OGDHL: variants seen among roughly 807,000 people sequenced by gnomAD.
OGDHL encodes the protein 2-oxoglutarate dehydrogenase-like, mitochondrial.
Under a neutral mutation model 109.6 loss-of-function variants are expected in OGDHL, and 79 were observed. That is an observed-to-expected ratio of 0.72 (90% CI 0.60 to 0.87). The LOEUF is 0.87. OGDHL is among the 40% of genes least tolerant of loss of function. The probability of loss-of-function intolerance (pLI) is 0.00; values close to 1 mark genes in which losing one functional copy is unlikely to be tolerated. For missense variants in OGDHL, 1,275 were observed against 1,362.2 expected (o/e 0.94, Z 1.01); for synonymous variants, 528 against 537.2 (o/e 0.98, Z 0.24).
chr10:49,752,223 G>T lies in OGDHL; in HGVS notation c.504C>A (p.Asp168Glu), dbSNP rs1266604419. Residue 168 changes from aspartate to glutamate, a missense_variant, in exon 5 of 23, where the codon GAC (aspartate) becomes GAA (glutamate). Physicochemically the swap from Asp to Glu is conservative, Grantham distance 45. Transcript: ENST00000374103. ...TCGGCAGCTGGAACTCCTTATCAAG[G>T]TCAGCCTCCTGAAGGTCATAGAAGG... ...KLAFYDLQEA[D>E]LDKEFQLPTT... 1 of 1,613,878 alleles carries T rather than the reference G, an allele frequency of 6.2e-7. No individual in the cohort carries two copies. The highest frequency in any genetic ancestry group is 8.5e-7 in the Non-Finnish European group (1 of 1,179,998).
chr10:49,738,079 G>T lies in OGDHL; in HGVS notation c.2392-7C>A. The stretch of plus-strand genomic sequence containing the variant: ...CGAAGTCCTTGGTGAATGCCTGTGG[G>T]GACGAGATGCATATGGCCAGGGTGG... On this transcript the variant is annotated splice_polypyrimidine_tract_variant and splice_region_variant and intron_variant, in intron 18 of 22. Transcript: ENST00000374103. 1 of 1,614,130 alleles carries T rather than the reference G, an allele frequency of 6.2e-7. No homozygotes were observed. The highest frequency in any genetic ancestry group is 8.5e-7 in the Non-Finnish European group (1 of 1,180,012).
intron 8 of OGDHL, among the ~76,000 whole-genome samples, chr10:49,748,647 TGG>T (rs1842364134): frequency 1.3e-5 from 2 of 152,068 alleles, no homozygotes; most frequent in African/African-American, 4.8e-5. Context: ...CCCTGTTTTA[TGG>T]AAGAGCAAAG....
intron 3 of OGDHL, among the ~76,000 whole-genome samples, chr10:49,754,296 T>C (rs1330618766): frequency 1.3e-5 from 2 of 152,328 alleles, no homozygotes; most frequent in East Asian, 3.9e-4. Flanking sequence ...ATAAGGACAG[T>C]ATACCTACAG....
rs753867652 is a variant in OGDHL at position 49,749,798 on chromosome 10, C to G, written c.915G>C (p.Leu305=). The G allele has an allele frequency of 8.8e-6, 14 of 1,598,362 alleles. No individual in the cohort carries two copies. In the South Asian group the frequency reaches 1.6e-4, roughly 18 times the overall value. The change falls in exon 8 of 23, where the codon CTG becomes CTC. Residue 305 remains leucine, a synonymous_variant. Transcript: ENST00000374103. ...CCAGGTCCTTGCGGATCACGTTGGC[C>G]AGCACGTTCAGCCTTCCCCTGGAGC... ...GMPHRGRLNV[L]ANVIRKDLEQ...
At chr10:49,740,191 G>A (rs999466565) in intron 16 of OGDHL, among the ~76,000 whole-genome samples, 27 of 152,166 alleles carry the variant, frequency 1.8e-4, no homozygotes, top group Non-Finnish European at 3.5e-4. Context: ...CTGGGGGCGG[G>A]GGGCTGCCTG....
intron 1 of OGDHL, among the ~76,000 whole-genome samples, chr10:49,759,877 G>C (rs1026069536): frequency 2.6e-5 from 4 of 152,154 alleles, no homozygotes; most frequent in African/African-American, 9.7e-5. Flanking sequence ...GTGCATTCTG[G>C]GGTATAACTG....
At position 49,736,525 on chromosome 10, in the gene OGDHL, G is replaced by C. The variant is rs763072572; in HGVS notation, c.2591-5C>G. The C allele has an allele frequency of 1.9e-6, 3 of 1,612,584 alleles. No individual in the cohort carries two copies. Among genetic ancestry groups the C allele is most frequent in the Non-Finnish European group, 1.7e-6 (2 of 1,179,812 alleles). ...TCACCCGCTGGAAGCTGGTCCCTGA[G>C]GGACCAACAGGACATGGCAGAGGCG... On this transcript the variant is annotated splice_region_variant and splice_polypyrimidine_tract_variant and intron_variant, in intron 20 of 22. Coordinates refer to ENST00000374103, the MANE Select transcript of OGDHL (RefSeq NM_018245.3).
In OGDHL at chr10:49,739,826, G is replaced by C. The variant is rs2132962569; in HGVS notation, c.2154C>G (p.Gly718=). 2 of 1,613,640 alleles carry C rather than the reference G, an allele frequency of 1.2e-6. No homozygotes were observed. Among genetic ancestry groups the C allele is most frequent in the South Asian group, 2.2e-5 (2 of 90,962 alleles). ...GGGCATTGGGGCTGGCCATGGCATA[G>C]CCCAGCTCAAAGCCTAAACAGAAGA... ...SEYGVLGFEL[G]YAMASPNALV... is the part of the protein sequence containing the mutation. Residue 718 remains glycine (G), a synonymous_variant, in exon 17 of 23, where the codon GGC becomes GGG. Transcript: ENST00000374103.
chr10:49,735,118 C>T lies in OGDHL; in HGVS notation c.*110G>A. The T allele has an allele frequency of 6.9e-7, 1 of 1,451,658 alleles. No individual in the cohort carries two copies. The highest frequency in any genetic ancestry group is 9.3e-7 in the Non-Finnish European group (1 of 1,076,074). The allele number at this position is 1,451,658 out of a possible 1,614,324, so 89.9% of individuals were successfully genotyped here. A position where few individuals can be genotyped will look rare whatever the true frequency, so the allele number is the denominator to read the frequency against. On this transcript the variant is annotated 3_prime_UTR_variant, in exon 23 of 23. Transcript: ENST00000374103. ...GCCCTGTCACTGTGTCTGTTTTATCCTGGGGCCCCACAGCCCCTCTCCTGG... is the reference window on the plus strand; with the variant it reads ...GCCCTGTCACTGTGTCTGTTTTATCTTGGGGCCCCACAGCCCCTCTCCTGG...
Position 49,735,173 on chromosome 10 carries a change from A to AC in OGDHL, c.*54dup. On this transcript the variant is annotated 3_prime_UTR_variant, in exon 23 of 23. Coordinates refer to ENST00000374103, the MANE Select transcript of OGDHL (RefSeq NM_018245.3). ...GAGCTCCGCCCCTCCCCTTTTCATC[A>AC]CCCCCTTGGTCCCCAGCAAACCCAC... 1 of 1,563,102 alleles carries AC rather than the reference A, an allele frequency of 6.4e-7. No homozygotes were observed. The highest frequency in any genetic ancestry group is 8.6e-7 in the Non-Finnish European group (1 of 1,156,222).
intron 8 of OGDHL, 72 bp from the exon 9 acceptor site, chr10:49,747,280 T>C: frequency 6.6e-7 from 1 of 1,525,966 alleles, no homozygotes; most frequent in Non-Finnish European, 9.0e-7. Flanking sequence ...AGGCAGGCAC[T>C]GCAGCCCACA....
At position 49,752,209 on chromosome 10, in the gene OGDHL, A is replaced by C; in HGVS notation, c.518T>G (p.Phe173Cys). ...DLQEADLDKE[F>C]QLPTTTFIGG... ...AATGAAGGTGGTTGTCGGCAGCTGGAACTCCTTATCAAGGTCAGCCTCCTG... is the reference window on the plus strand; with the variant it reads ...AATGAAGGTGGTTGTCGGCAGCTGGCACTCCTTATCAAGGTCAGCCTCCTG... Residue 173 changes from phenylalanine to cysteine, a missense_variant, in exon 5 of 23, where the codon TTC (phenylalanine) becomes TGC (cysteine). Physicochemically the swap from Phe to Cys is radical, Grantham distance 205. Coordinates refer to ENST00000374103, the MANE Select transcript of OGDHL (RefSeq NM_018245.3). 1 of 1,614,066 alleles carries C rather than the reference A, an allele frequency of 6.2e-7. No homozygotes were observed. The highest frequency in any genetic ancestry group is 8.5e-7 in the Non-Finnish European group (1 of 1,180,020).
chr10:49,759,346 C>T (rs774909912), intron 1 of OGDHL, among the ~76,000 whole-genome samples: 9 of 152,060 alleles, frequency 5.9e-5, no homozygotes, highest in Non-Finnish European at 1.2e-4. Flanking sequence ...CCCAGCGCCA[C>T]TCAAGACAGC....
rs887515202 is a variant in OGDHL, at chr10:49,735,130, AGCCCCTCTCCTGGGCAGGAGCTCC to A, written c.*74_*97del. On this transcript the variant is annotated 3_prime_UTR_variant, in exon 23 of 23. Transcript: ENST00000374103. ...TGTCTGTTTTATCCTGGGGCCCCAC[AGCCCCTCTCCTGGGCAGGAGCTCC>A]GCCCCTCCCCTTTTCATCACCCCCT... The A allele has an allele frequency of 3.3e-6, 5 of 1,511,330 alleles. No homozygotes were observed. The African/African-American group carries it at 7.0e-5, about 21-fold the overall frequency. 93.6% of individuals were successfully genotyped at this position (1,511,330 alleles called of 1,614,324 possible).
rs1564528308 is a variant in OGDHL at position 49,740,796 on chromosome 10, C to T, written c.2054G>A (p.Arg685Lys). ...GAGATGATTCATAGGCACACACGTC[C>T]TGCGGTCAACCTCCTGGTCATGGAG... is the stretch of plus-strand genomic sequence containing the variant. ...HVLHDQEVDR[R>K]TCVPMNHLWP... The change falls in exon 16 of 23, where the codon AGG becomes AAG. Residue 685 changes from arginine (R) to lysine (K), a missense_variant. Transcript: ENST00000374103. The T allele has an allele frequency of 1.9e-6, 3 of 1,613,952 alleles. No individual in the cohort carries two copies. Among genetic ancestry groups the T allele is most frequent in the South Asian group, 1.1e-5 (1 of 91,082 alleles).
chr10:49,745,148 C>G (rs1249510704), intron 12 of OGDHL, among the ~76,000 whole-genome samples, 196 bp downstream of exon 12: 1 of 152,286 alleles, frequency 6.6e-6, no homozygotes, highest in African/African-American at 2.4e-5. Context: ...GCAGTACCCA[C>G]TGTGTCCCAC....
chr10:49,753,575 C>T (rs1483835572), intron 3 of OGDHL, among the ~76,000 whole-genome samples: 1 of 151,912 alleles, frequency 6.6e-6, no homozygotes, highest in African/African-American at 2.4e-5. Flanking sequence ...TTTTTATTAC[C>T]AGTCAGTCGT....
At chr10:49,743,121 A>G (rs1841914046) in intron 14 of OGDHL, 143 bp from the exon 15 acceptor site, 1 of 1,085,906 alleles carries the variant, frequency 9.2e-7, no homozygotes, top group Non-Finnish European at 1.3e-6. Flanking sequence ...AGGAGGGCCC[A>G]GGGCCAGGCA....
rs3793803 is a variant in OGDHL, at chr10:49,760,249, A to G, written c.-1-1656T>C. Among the ~76,000 whole-genome samples the G allele has an allele frequency of 0.015, 2,352 of 152,260 alleles. 224 individuals are homozygous for G. In the East Asian group the frequency reaches 0.28, roughly 18 times the overall value. On this transcript the variant is annotated intron_variant, in intron 1 of 22. Coordinates refer to ENST00000374103, the MANE Select transcript of OGDHL (RefSeq NM_018245.3). ...GAGTGCCCCCAAGTTTCCCTCCCCA[A>G]TGCTCAGCCCCTGAGGCTTCGGGTC... is the stretch of plus-strand genomic sequence containing the variant.
Sources: allele counts gnomAD v4.1 joint callset (sites outside exome capture counted in the v4.1 genomes callset), GRCh38; gene constraint gnomAD v4.1.1; transcripts MANE v1.5; gene names NCBI Gene and HGNC (gene_info 2026-07-23, HGNC 2026-07-21).